EXPH5: variants seen among roughly 807,000 people sequenced by gnomAD.
EXPH5 encodes the protein exophilin-5.
A neutral mutation model predicts 41.1 loss-of-function variants in EXPH5; 42 were observed. The ratio of observed to expected loss-of-function variants is 1.02; its 90% confidence interval spans 0.80 to 1.32. EXPH5 has a LOEUF of 1.32. EXPH5 is among the 40% of genes most tolerant of loss of function. The pLI is 0.00. For missense variants in EXPH5, 2,298 were observed against 2,314.5 expected, an observed-to-expected ratio of 0.99 and a Z score of 0.15; for synonymous variants, 798 against 833.5, an observed-to-expected ratio of 0.96 and a Z score of 0.73.
At chr11:108,565,896 C>T (rs1206615892) in intron 1 of EXPH5, among the ~76,000 whole-genome samples, 2 of 152,200 alleles carry the variant, frequency 1.3e-5, no homozygotes, top group Non-Finnish European at 2.9e-5. Context: ...TTACAATGCC[C>T]TTTCTACATA....
chr11:108,602,970 G>A, the EXPH5 span, among the ~76,000 whole-genome samples: 5 of 152,130 alleles, frequency 3.3e-5, no homozygotes, highest in African/African-American at 9.7e-5. Context: ...TCACGGGAGC[G>A]ATTCCCTCCA....
intron 1 of EXPH5, among the ~76,000 whole-genome samples, chr11:108,573,198 A>AAGAAAGAAAAAG (rs1456627760): frequency 1.6e-4 from 17 of 108,266 alleles, no homozygotes; most frequent in East Asian, 8.3e-4. Context: ...GAAAGAAAGA[A>AAGAAAGAAAAAG]AAAGAAAGAA....
Position 108,549,954 on chromosome 11 carries a change from C to T in EXPH5, c.120-8142G>A, listed in dbSNP as rs188192429. Reference sequence around the variant, plus strand: ...AGTGGTTGTAAGGAAAGTGGATGAACAGGTACAGTCAACAGCTGGAAAATT... The same window carrying T: ...AGTGGTTGTAAGGAAAGTGGATGAATAGGTACAGTCAACAGCTGGAAAATT... On this transcript the variant is annotated intron_variant, in intron 1 of 5. Transcript: ENST00000265843. Among the ~76,000 whole-genome samples the T allele has an allele frequency of 5.1e-4, 78 of 152,268 alleles. 1 individual carries two copies. The highest frequency in any genetic ancestry group is 6.8e-3 in the Middle Eastern group (2 of 294).
intron 3 of EXPH5, among the ~76,000 whole-genome samples, chr11:108,532,201 A>C (rs547061366): frequency 6.7e-6 from 1 of 148,216 alleles, no homozygotes; most frequent in South Asian, 2.2e-4. Flanking sequence ...TTTTTGAGAC[A>C]GGGTCTTGCC....
upstream of EXPH5, among the ~76,000 whole-genome samples, chr11:108,596,931 C>T (rs1030591277): frequency 1.3e-5 from 2 of 152,204 alleles, no homozygotes; most frequent in African/African-American, 4.8e-5. Context: ...TAGCCGGAGG[C>T]AAGCAGCCAT....
chr11:108,551,913 T>A (rs955118516), intron 1 of EXPH5: 2 of 152,098 alleles, frequency 1.3e-5, no homozygotes, highest in Non-Finnish European at 2.9e-5. Context: ...GGGCAGGAAC[T>A]GTATCCCGAG....
the EXPH5 span, among the ~76,000 whole-genome samples, chr11:108,598,775 G>A: frequency 0.04 from 6,023 of 152,154 alleles, 122 homozygotes; most frequent in Middle Eastern, 0.051. Flanking sequence ...TCCAGAAGAG[G>A]GACATAAAAA....
chr11:108,524,108 A>G (rs192807892), intron 4 of EXPH5, among the ~76,000 whole-genome samples: 1 of 152,216 alleles, frequency 6.6e-6, no homozygotes, highest in Non-Finnish European at 1.5e-5. Context: ...GATTTGTAAT[A>G]TTAGGACTCA....
chr11:108,573,194 A>AAGAG lies in EXPH5; in HGVS notation c.119+20223_119+20224insCTCT, dbSNP rs2094068431. Among the ~76,000 whole-genome samples the AAGAG allele has an allele frequency of 2.4e-5, 3 of 127,364 alleles. No homozygotes were observed. The East Asian group carries it at 9.7e-4, about 41-fold the overall frequency. The allele number at this position is 127,364 out of a possible 152,430, so 83.6% of individuals were successfully genotyped here. A position where few individuals can be genotyped will look rare whatever the true frequency, so the allele number is the denominator to read the frequency against. On this transcript the variant is annotated intron_variant, in intron 1 of 5. Transcript: ENST00000265843. ...AAAGAAAGAAAGAAAGAAAGAAAGA[A>AAGAG]AGAAAAAGAAAGAAAGAAAGAAAGA...
chr11:108,599,028 A>AAC, the EXPH5 span, among the ~76,000 whole-genome samples: 2 of 150,950 alleles, frequency 1.3e-5, no homozygotes, highest in African/African-American at 4.9e-5. Context: ...CCTCCGGAAA[A>AAC]AGAGACGGAG....
chr11:108,552,459 GCAA>G (rs1219617273), intron 1 of EXPH5, among the ~76,000 whole-genome samples: 1 of 152,166 alleles, frequency 6.6e-6, no homozygotes, highest in Non-Finnish European at 1.5e-5. Flanking sequence ...AAGTAAGCAA[GCAA>G]CAACAACAGT....
Position 108,506,242 on chromosome 11 carries a change from G to A in EXPH5, c.*3295C>T, listed in dbSNP as rs531838391. The stretch of plus-strand genomic sequence containing the variant: ...CCAAAAATGAACATTAAAATGCAGC[G>A]ACTTGTATGTTAAAATACATAGAAA... On this transcript the variant is annotated 3_prime_UTR_variant, in exon 6 of 6. Coordinates refer to ENST00000265843, the MANE Select transcript of EXPH5 (RefSeq NM_015065.3). 105 of 152,126 alleles carry A rather than the reference G, an allele frequency of 6.9e-4. No homozygotes were observed. The highest frequency in any genetic ancestry group is 2.1e-3 in the African/African-American group (86 of 41,510). 9.4% of individuals were successfully genotyped at this position (152,126 alleles called of 1,614,324 possible).
At chr11:108,593,103 G>A (rs567337521) in intron 1 of EXPH5, among the ~76,000 whole-genome samples, 3 of 152,336 alleles carry the variant, frequency 2.0e-5, no homozygotes, top group South Asian at 4.1e-4. Flanking sequence ...CCCCGCGATG[G>A]CCCAGCAGAC....
the EXPH5 span, among the ~76,000 whole-genome samples, chr11:108,605,173 G>A: frequency 1.6e-4 from 25 of 152,112 alleles, no homozygotes; most frequent in African/African-American, 5.8e-4. Flanking sequence ...ACCTTGAAAG[G>A]GTGCCTCAAG....
intron 1 of EXPH5, among the ~76,000 whole-genome samples, chr11:108,588,529 T>C (rs547214541): frequency 7.1e-4 from 108 of 152,324 alleles, no homozygotes; most frequent in African/African-American, 2.5e-3. Context: ...CTCAAGCATG[T>C]CACTTACCCT....
chr11:108,550,607 T>C (rs2093959464), intron 1 of EXPH5, among the ~76,000 whole-genome samples: 1 of 151,950 alleles, frequency 6.6e-6, no homozygotes, highest in Non-Finnish European at 1.5e-5. Context: ...GGAGAAATGC[T>C]GTCTCTACTA....
At position 108,511,833 on chromosome 11, in the gene EXPH5, G is replaced by A; in HGVS notation, c.3674C>T (p.Thr1225Ile). 1 of 1,593,444 alleles carries A rather than the reference G, an allele frequency of 6.3e-7. No individual in the cohort carries two copies. The highest frequency in any genetic ancestry group is 1.2e-5 in the South Asian group (1 of 86,484). ...SDLSGKERGK[T>I]LHKVKTTSTF... is the part of the protein sequence containing the mutation. Reference sequence around the variant, plus strand: ...ACTAGTCGTCTTAACTTTATGTAATGTTTTCCCACGTTCTTTTCCTGACAA... The same window carrying A: ...ACTAGTCGTCTTAACTTTATGTAATATTTTCCCACGTTCTTTTCCTGACAA... Residue 1225 changes from threonine (T) to isoleucine (I), a missense_variant, in exon 6 of 6, where the codon ACA becomes ATA. Transcript: ENST00000265843.
chr11:108,584,411 G>A (rs1281576666), intron 1 of EXPH5, among the ~76,000 whole-genome samples: 1 of 152,100 alleles, frequency 6.6e-6, no homozygotes, highest in Non-Finnish European at 1.5e-5. Context: ...CCAGGAGGTG[G>A]AGGTTGCATT....
chr11:108,563,080 C>T (rs1344417985), intron 1 of EXPH5, among the ~76,000 whole-genome samples: 1 of 152,118 alleles, frequency 6.6e-6, no homozygotes, highest in Non-Finnish European at 1.5e-5. Context: ...CCCTTACATG[C>T]ATTGACTTGG....
Sources: allele counts gnomAD v4.1 joint callset (sites outside exome capture counted in the v4.1 genomes callset), GRCh38; gene constraint gnomAD v4.1.1; transcripts MANE v1.5; gene names NCBI Gene and HGNC (gene_info 2026-07-23, HGNC 2026-07-21).